Variants in MECOM observed in about 807,000 individuals in gnomAD.
MECOM encodes the protein histone-lysine N-methyltransferase MECOM.
A neutral mutation model predicts 116.3 loss-of-function variants in MECOM; 13 were observed. The observed-to-expected ratio is 0.11, with a 90% confidence interval of 0.07 to 0.18. The LOEUF (loss-of-function observed/expected upper bound fraction) is 0.18, where lower values mean the gene tolerates loss of function less well. Ranked by LOEUF, MECOM falls within the 10% of genes least tolerant of loss-of-function variation. The probability of loss-of-function intolerance (pLI) is 1.00; values close to 1 mark genes in which losing one functional copy is unlikely to be tolerated. For synonymous variants in MECOM, 528 were observed against 535.2 expected, an observed-to-expected ratio of 0.99 and a Z score of 0.19; for missense variants, 1,299 against 1,509.0, an observed-to-expected ratio of 0.86 and a Z score of 2.31.
chr3:169,498,360 A>G (rs1438272576), intron 1 of MECOM, among the ~76,000 whole-genome samples: 1 of 152,194 alleles, frequency 6.6e-6, no homozygotes, highest in African/African-American at 2.4e-5. Context: ...ATGGATAATG[A>G]TTTTTAAAAT....
At chr3:169,242,872 T>G (rs549609759) in intron 2 of MECOM, among the ~76,000 whole-genome samples, 2 of 152,054 alleles carry the variant, frequency 1.3e-5, no homozygotes, top group African/African-American at 4.8e-5. Context: ...TTTTTTTTCT[T>G]TTCCTTAGCA....
intron 1 of MECOM, among the ~76,000 whole-genome samples, chr3:169,507,789 G>C (rs1755448973): frequency 6.8e-6 from 1 of 146,680 alleles, no homozygotes; most frequent in Non-Finnish European, 1.5e-5. Context: ...AGCCTCCCGA[G>C]TAGCTGGGAC....
At chr3:169,189,408 G>GA (rs1012409927) in intron 2 of MECOM, among the ~76,000 whole-genome samples, 6 of 151,862 alleles carry the variant, frequency 4.0e-5, no homozygotes, top group Admixed American at 6.6e-5. Context: ...AACTCCAGGG[G>GA]AAAAAAATCC....
chr3:169,561,063 G>A (rs1310232253), intron 1 of MECOM, among the ~76,000 whole-genome samples: 1 of 151,466 alleles, frequency 6.6e-6, no homozygotes, highest in Non-Finnish European at 1.5e-5. Flanking sequence ...ATGAAAAGAG[G>A]TTCAATCTTC....
chr3:169,300,344 A>G (rs1025802938), intron 2 of MECOM, among the ~76,000 whole-genome samples: 1 of 152,228 alleles, frequency 6.6e-6, no homozygotes, highest in African/African-American at 2.4e-5. Context: ...AAGAAACCTT[A>G]GAATCTTAGA....
At chr3:169,362,414 T>G (rs1408846256) in intron 2 of MECOM, among the ~76,000 whole-genome samples, 1 of 151,814 alleles carries the variant, frequency 6.6e-6, no homozygotes, top group African/African-American at 2.4e-5. Context: ...GTCTGACTTG[T>G]GCAAAAATTC....
chr3:169,089,983 T>G lies in MECOM; in HGVS notation c.3401+17A>C, dbSNP rs1336440514. The stretch of plus-strand genomic sequence containing the variant: ...ATCTACTCTAGCTTAGTTTCTAAAG[T>G]CACCCAAGGTACTCACCTCACTGGG... On this transcript the variant is annotated intron_variant, in intron 15 of 16. Coordinates refer to ENST00000651503, the MANE Select transcript of MECOM (RefSeq NM_004991.4). 2.5e-6 allele frequency: 4 copies of G among 1,604,786 alleles called. No homozygotes were observed. Among genetic ancestry groups the G allele is most frequent in the Non-Finnish European group, 3.4e-6 (4 of 1,176,380 alleles).
chr3:169,523,520 G>T (rs1757598898), intron 1 of MECOM, among the ~76,000 whole-genome samples: 1 of 151,784 alleles, frequency 6.6e-6, no homozygotes, highest in South Asian at 2.1e-4. Flanking sequence ...TACATACTGG[G>T]TTCTGTACTG....
At chr3:169,239,322 A>G (rs1754488228) in intron 2 of MECOM, among the ~76,000 whole-genome samples, 1 of 152,074 alleles carries the variant, frequency 6.6e-6, no homozygotes, top group African/African-American at 2.4e-5. Flanking sequence ...TTTAAAGAAT[A>G]TTAGAGTATT....
intron 2 of MECOM, among the ~76,000 whole-genome samples, chr3:169,301,272 C>T (rs1356234773): frequency 4.6e-5 from 7 of 152,198 alleles, no homozygotes; most frequent in East Asian, 1.9e-4. Context: ...TTTTCCTCTC[C>T]TTCTTAAAGT....
At chr3:169,208,116 C>T (rs548342101) in intron 2 of MECOM, among the ~76,000 whole-genome samples, 2 of 151,860 alleles carry the variant, frequency 1.3e-5, no homozygotes, top group South Asian at 2.1e-4. Context: ...CAGCTGGCAA[C>T]GAGTCTGAGA....
intron 2 of MECOM, among the ~76,000 whole-genome samples, chr3:169,323,760 C>G (rs1004881434): frequency 6.6e-6 from 1 of 152,184 alleles, no homozygotes; most frequent in Non-Finnish European, 1.5e-5. Flanking sequence ...TTTTTATACT[C>G]TATGTGCTGT....
intron 1 of MECOM, among the ~76,000 whole-genome samples, chr3:169,521,593 C>T (rs929175528): frequency 1.3e-5 from 2 of 152,154 alleles, no homozygotes; most frequent in African/African-American, 2.4e-5. Flanking sequence ...ATGTGTGGAT[C>T]AGACCAGTGC....
intron 2 of MECOM, among the ~76,000 whole-genome samples, chr3:169,153,964 G>C (rs1371404226): frequency 6.6e-6 from 1 of 152,176 alleles, no homozygotes; most frequent in East Asian, 1.9e-4. Flanking sequence ...GAACAGCAAA[G>C]TGTAAGTAGT....
intron 2 of MECOM, among the ~76,000 whole-genome samples, chr3:169,281,179 C>T (rs1711903183): frequency 6.6e-6 from 1 of 152,322 alleles, no homozygotes; most frequent in African/African-American, 2.4e-5. Context: ...GAATCTCCAT[C>T]CCCACCCCAG....
chr3:169,567,820 C>T (rs997717519), intron 1 of MECOM, among the ~76,000 whole-genome samples: 15 of 152,070 alleles, frequency 9.9e-5, no homozygotes, highest in Non-Finnish European at 1.5e-4. Flanking sequence ...AATATCTGTA[C>T]TCAGAGGTGG....
intron 1 of MECOM, among the ~76,000 whole-genome samples, chr3:169,635,641 T>G (rs1560518269): frequency 1.3e-5 from 2 of 152,254 alleles, no homozygotes; most frequent in African/African-American, 2.4e-5. Flanking sequence ...AAATATTCAT[T>G]GAACATGTAA....
chr3:169,426,886 T>C (rs370550101), intron 1 of MECOM, among the ~76,000 whole-genome samples: 7 of 152,230 alleles, frequency 4.6e-5, no homozygotes, highest in Non-Finnish European at 1.0e-4. Context: ...GAATGCCTAC[T>C]ATGTGCCAGA....
chr3:169,417,977 G>A (rs1179547343), intron 1 of MECOM, among the ~76,000 whole-genome samples: 1 of 148,608 alleles, frequency 6.7e-6, no homozygotes, highest in African/African-American at 2.5e-5. Flanking sequence ...GGAGCGGGGA[G>A]GGATAGCATT....
Sources: gnomAD v4.1 joint callset for allele counts (sites outside exome capture counted in the v4.1 genomes callset) on GRCh38, gnomAD v4.1.1 for gene constraint, MANE v1.5 for transcripts, NCBI Gene and HGNC (gene_info 2026-07-23, HGNC 2026-07-21) for gene names.